The following IQSEC1 variants were observed in gnomAD, a reference collection of about 807,000 sequenced individuals.
The protein encoded by IQSEC1 is IQ motif and Sec7 domain ArfGEF 1.
IQSEC1 carries 31 observed loss-of-function variants against 91.0 expected under a neutral mutation model. The ratio of observed to expected loss-of-function variants is 0.34; its 90% CI spans 0.26 to 0.46. The LOEUF is 0.46. IQSEC1 is among the 20% of genes least tolerant of loss of function. The pLI is 1.00. For missense variants in IQSEC1, 1,388 were observed against 1,575.6 expected, an observed-to-expected ratio of 0.88 and a Z score of 2.02; for synonymous variants, 699 against 662.6, an observed-to-expected ratio of 1.05 and a Z score of -0.84.
intron 9 of IQSEC1, among the ~76,000 whole-genome samples, chr3:12,912,297 C>A (rs1439825453): frequency 6.6e-6 from 1 of 152,226 alleles, no homozygotes; most frequent in Non-Finnish European, 1.5e-5. Context: ...GGGGAGCTCA[C>A]ATCTCCCCGG....
intron 1 of IQSEC1, among the ~76,000 whole-genome samples, chr3:13,239,219 G>A (rs1231700774): frequency 1.3e-5 from 2 of 152,234 alleles, no homozygotes; most frequent in East Asian, 1.9e-4. Context: ...GGCGGACAGC[G>A]GCTCAGTCCC....
At chr3:13,164,463 C>A (rs970956346) in intron 1 of IQSEC1, among the ~76,000 whole-genome samples, 5 of 152,114 alleles carry the variant, frequency 3.3e-5, no homozygotes, top group African/African-American at 1.2e-4. Flanking sequence ...GTCTATGGTT[C>A]CAGAACTCTG....
chr3:12,954,951 C>T (rs1699807825), intron 1 of IQSEC1, among the ~76,000 whole-genome samples: 1 of 152,220 alleles, frequency 6.6e-6, no homozygotes, highest in Non-Finnish European at 1.5e-5. Context: ...TCCCGCAACT[C>T]CACAGGCCAA....
chr3:13,011,520 TA>T (rs1163992894), intron 1 of IQSEC1, among the ~76,000 whole-genome samples: 1 of 152,200 alleles, frequency 6.6e-6, no homozygotes, highest in Admixed American at 6.5e-5. Context: ...ACAGCAACTG[TA>T]GGGAGCTGAC....
chr3:12,967,887 GGGGGCGGGGGGTCA>G lies in IQSEC1; in HGVS notation c.24-26036_24-26023del, dbSNP rs1226430416. ...CACACGGCGCCGCGGAAGAAGCACA[GGGGGCGGGGGGTCA>G]GGGGCGGGGCGTCAGGGGCGGGGCT... On this transcript the variant is annotated intron_variant, in intron 1 of 13. Coordinates refer to ENST00000613206, the MANE Select transcript of IQSEC1 (RefSeq NM_001134382.3). This position sits in a 1 kb window ranked among gnomAD's most constrained non-coding sequence, Gnocchi z 5.9. Among the ~76,000 whole-genome samples, 1,780 of 149,942 alleles carry G rather than the reference GGGGGCGGGGGGTCA, an allele frequency of 0.012. 30 individuals are homozygous for G. The highest frequency in any genetic ancestry group is 0.041 in the African/African-American group (1,668 of 40,688).
chr3:13,085,378 C>T (rs570922622), intron 2 of IQSEC1, among the ~76,000 whole-genome samples: 1 of 152,216 alleles, frequency 6.6e-6, no homozygotes, highest in Admixed American at 6.5e-5. Context: ...GGGAACTGTG[C>T]AAGCAGAGGG....
intron 1 of IQSEC1, among the ~76,000 whole-genome samples, chr3:13,059,762 A>AGAAG (rs1365894384): frequency 6.6e-6 from 1 of 152,110 alleles, no homozygotes; most frequent in African/African-American, 2.4e-5. Context: ...AAAAAATGAA[A>AGAAG]GAAGGAAGGA....
intron 1 of IQSEC1, among the ~76,000 whole-genome samples, chr3:13,196,966 G>T (rs1694141385): frequency 6.6e-6 from 1 of 152,086 alleles, no homozygotes; most frequent in African/African-American, 2.4e-5. Flanking sequence ...AGGCAGGAAG[G>T]GTGTTCTCTG....
intron 1 of IQSEC1, among the ~76,000 whole-genome samples, chr3:12,978,702 C>G (rs1701308266): frequency 1.5e-5 from 1 of 66,352 alleles, no homozygotes; most frequent in Admixed American, 1.3e-4. Context: ...GAGGCTCAGT[C>G]TCAAAAAAAA....
At chr3:13,173,109 G>C (rs1316343506) in intron 1 of IQSEC1, among the ~76,000 whole-genome samples, 1 of 152,220 alleles carries the variant, frequency 6.6e-6, no homozygotes, top group East Asian at 1.9e-4. Flanking sequence ...AGTCTGGAAG[G>C]AATCATTTTG....
intron 2 of IQSEC1, among the ~76,000 whole-genome samples, chr3:13,137,196 C>A (rs1047557546): frequency 6.6e-6 from 1 of 152,188 alleles, no homozygotes. Flanking sequence ...TGTAATCCGG[C>A]AGGTCCACTC....
chr3:12,957,028 T>A (rs998717621), intron 1 of IQSEC1, among the ~76,000 whole-genome samples: 1 of 152,322 alleles, frequency 6.6e-6, no homozygotes, highest in Non-Finnish European at 1.5e-5. Context: ...GTCTTGTGGC[T>A]GGGCTTGTCC....
chr3:13,027,592 C>G (rs1255430967), intron 1 of IQSEC1, among the ~76,000 whole-genome samples: 1 of 152,210 alleles, frequency 6.6e-6, no homozygotes, highest in Non-Finnish European at 1.5e-5. Context: ...GTAGAAATGT[C>G]TGATCAATAA....
chr3:13,133,113 G>A (rs358389), intron 2 of IQSEC1, among the ~76,000 whole-genome samples: 135,738 of 152,268 alleles, frequency 0.89, 60,751 homozygotes, highest in African/African-American at 0.97. Flanking sequence ...AGCAGTGGAG[G>A]AAAGGCTAGA....
intron 1 of IQSEC1, among the ~76,000 whole-genome samples, chr3:13,009,538 C>T (rs1413530610): frequency 6.6e-6 from 1 of 151,816 alleles, no homozygotes; most frequent in Non-Finnish European, 1.5e-5. Flanking sequence ...CCGGAAATGC[C>T]CCAGATGCCC....
chr3:12,900,595 CTGTT>C lies in IQSEC1; in HGVS notation c.*384_*387del, dbSNP rs1694153853. On this transcript the variant is annotated 3_prime_UTR_variant, in exon 14 of 14. Transcript: ENST00000613206. Reference sequence around the variant, plus strand: ...CAGCAAGTTTTGGGGTTTGTTTTGTCTGTTTTTGTATCTCATTTCTTCGTTTTCT... The same window carrying C: ...CAGCAAGTTTTGGGGTTTGTTTTGTCTTTGTATCTCATTTCTTCGTTTTCT... 3.9e-6 allele frequency: 4 copies of C among 1,026,598 alleles called. No individual in the cohort carries two copies. The highest frequency in any genetic ancestry group is 5.2e-5 in the Admixed American group (1 of 19,150). 63.6% of individuals were successfully genotyped at this position (1,026,598 alleles called of 1,614,324 possible). A position where few individuals can be genotyped will look rare whatever the true frequency, so the allele number is the denominator to read the frequency against.
At chr3:13,210,178 T>C (rs1694418702) in intron 1 of IQSEC1, among the ~76,000 whole-genome samples, 2 of 152,214 alleles carry the variant, frequency 1.3e-5, no homozygotes, top group African/African-American at 4.8e-5. Context: ...ATTTTAATCC[T>C]GGCTTCATCA....
At chr3:12,929,012 CTAGT>C (rs912120645) in intron 3 of IQSEC1, among the ~76,000 whole-genome samples, 26 of 152,246 alleles carry the variant, frequency 1.7e-4, no homozygotes, top group African/African-American at 4.3e-4. Flanking sequence ...AACATGCTTT[CTAGT>C]TAGAGAGGGA....
At chr3:13,018,086 T>G (rs1239383937) in intron 1 of IQSEC1, among the ~76,000 whole-genome samples, 7 of 152,008 alleles carry the variant, frequency 4.6e-5, no homozygotes, top group African/African-American at 1.7e-4. Context: ...CTTCAGTGTG[T>G]GGGTGGGTGG....
Sources: gnomAD v4.1 joint callset for allele counts (sites outside exome capture counted in the v4.1 genomes callset) on GRCh38, gnomAD v4.1.1 for gene constraint, Gnocchi (gnomAD v3.1) non-coding constraint, MANE v1.5 for transcripts, NCBI Gene and HGNC (gene_info 2026-07-23, HGNC 2026-07-21) for gene names.